Variants in GRN observed in about 807,000 individuals in gnomAD.
GRN encodes the protein progranulin.
GRN carries 30 observed loss-of-function variants against 66.7 expected under a neutral mutation model. The observed-to-expected ratio is 0.45, with a 90% confidence interval of 0.34 to 0.61. GRN has a LOEUF of 0.61. GRN is among the 20% of genes least tolerant of loss of function. The pLI, the probability that GRN is intolerant of heterozygous loss-of-function variation, is 0.01. For missense variants in GRN, 731 were observed against 803.5 expected (o/e 0.91, Z 1.09); for synonymous variants, 327 against 311.1 (o/e 1.05, Z -0.54).
intron 1 of GRN, among the ~76,000 whole-genome samples, 185 bp from the exon 2 acceptor site, chr17:44,348,973 C>T (rs551777985): frequency 2.0e-5 from 3 of 152,378 alleles, no homozygotes; most frequent in South Asian, 2.1e-4. Flanking sequence ...GTGTCACACA[C>T]GGGGCGCTGT....
chr17:44,352,719 G>C lies in GRN; in HGVS notation c.1703G>C (p.Arg568Thr). 7 of 1,611,282 alleles carry C rather than the reference G, an allele frequency of 4.3e-6. No individual in the cohort carries two copies. The highest frequency in any genetic ancestry group is 5.9e-6 in the Non-Finnish European group (7 of 1,180,002). ...CCPAGFRCAARGTKCLRREAP... is the reference protein window; with the variant it reads ...CCPAGFRCAATGTKCLRREAP... The stretch of plus-strand genomic sequence containing the variant: ...CCTGCTGGCTTCCGCTGCGCAGCCA[G>C]GGGTACCAAGTGTTTGCGCAGGGAG... Residue 568 changes from arginine to threonine, a missense_variant, in exon 13 of 13, where the codon AGG becomes ACG. Physicochemically the swap from Arg to Thr is moderately conservative, Grantham distance 71. Around this residue, in one of 3 missense-constraint regions of GRN, gnomAD observed 319 missense variants for 347.2 expected, o/e 0.92. Coordinates refer to ENST00000053867, the MANE Select transcript of GRN (RefSeq NM_002087.4).
Position 44,350,259 on chromosome 17 carries a change from T to C in GRN, c.381T>C (p.Pro127=). Residue 127 remains proline (P), a synonymous_variant, in exon 5 of 13, where the codon CCT becomes CCC. Coordinates refer to ENST00000053867, the MANE Select transcript of GRN (RefSeq NM_002087.4). ...GNNSVGAIQC[P]DSQFECPDFS... is the part of the protein sequence containing the mutation. Reference sequence around the variant, plus strand: ...ACTCCGTGGGTGCCATCCAGTGCCCTGATAGTCAGTTCGAATGCCCGGACT... The same window carrying C: ...ACTCCGTGGGTGCCATCCAGTGCCCCGATAGTCAGTTCGAATGCCCGGACT... The C allele has an allele frequency of 6.2e-7, 1 of 1,613,864 alleles. No individual in the cohort carries two copies. Among genetic ancestry groups the C allele is most frequent in the Non-Finnish European group, 8.5e-7 (1 of 1,179,810 alleles).
chr17:44,348,143 T>G (rs182888032), intron 1 of GRN, among the ~76,000 whole-genome samples: 4 of 152,306 alleles, frequency 2.6e-5, no homozygotes, highest in Admixed American at 2.0e-4. Flanking sequence ...TATAAAATAA[T>G]GGAGAGTCTT....
In GRN at chr17:44,349,159, C is replaced by G; in HGVS notation, c.-6C>G. 6.2e-7 allele frequency: 1 copy of G among 1,614,050 alleles called. No individual in the cohort carries two copies. The highest frequency in any genetic ancestry group is 8.5e-7 in the Non-Finnish European group (1 of 1,180,000). On this transcript the variant is annotated splice_region_variant and 5_prime_UTR_variant, in exon 2 of 13. Coordinates refer to ENST00000053867, the MANE Select transcript of GRN (RefSeq NM_002087.4). ...CAGACGTTCCTTGGTACTTTGCAGG[C>G]AGACCATGTGGACCCTGGTGAGCTG...
At chr17:44,347,329 C>T (rs991704091) in intron 1 of GRN, among the ~76,000 whole-genome samples, 1 of 152,002 alleles carries the variant, frequency 6.6e-6, no homozygotes, top group African/African-American at 2.4e-5. Context: ...CACTCTGTCA[C>T]CCAGGCTGGA....
At chr17:44,348,119 T>C (rs1228193353) in intron 1 of GRN, among the ~76,000 whole-genome samples, 1 of 152,124 alleles carries the variant, frequency 6.6e-6, no homozygotes, top group African/African-American at 2.4e-5. Context: ...GGATGGTTGT[T>C]GCAAAGAAAT....
rs1320513222 is a variant in GRN at position 44,352,090 on chromosome 17, G to A, written c.1255G>A (p.Gly419Arg). ...TGTAGCTGAGGGGCAGTGTCAGCGA[G>A]GAAGCGAGATCGTGGCTGGACTGGA... The part of the protein sequence containing the change: ...TCVAEGQCQR[G>R]SEIVAGLEKM... The change falls in exon 11 of 13, where the codon GGA becomes AGA. Residue 419 changes from glycine to arginine, a missense_variant. This residue lies in a region of GRN where 319 missense variants were observed against 347.2 expected (regional missense o/e 0.92). Coordinates refer to ENST00000053867, the MANE Select transcript of GRN (RefSeq NM_002087.4). 1.2e-6 allele frequency: 2 copies of A among 1,613,764 alleles called. No homozygotes were observed. The highest frequency in any genetic ancestry group is 1.7e-6 in the Non-Finnish European group (2 of 1,179,976).
chr17:44,353,078 G>A lies in GRN; in HGVS notation c.*280G>A, dbSNP rs116547342. On this transcript the variant is annotated 3_prime_UTR_variant, in exon 13 of 13. Coordinates refer to ENST00000053867, the MANE Select transcript of GRN (RefSeq NM_002087.4). The stretch of plus-strand genomic sequence containing the variant: ...GGTGTTTGTGTGTGTGCGCGTGTGC[G>A]TTTCAATAAAGTTTGTACACTTTCT... 1,895 of 566,004 alleles carry A rather than the reference G, an allele frequency of 3.3e-3. 26 individuals are homozygous for A. The highest frequency in any genetic ancestry group is 0.033 in the African/African-American group (1,736 of 53,312). The allele number at this position is 566,004 out of a possible 1,614,324, so 35.1% of individuals were successfully genotyped here.
At chr17:44,350,172 G>A in intron 4 of GRN, 56 bp from the exon 5 acceptor site, 1 of 1,207,202 alleles carries the variant, frequency 8.3e-7, no homozygotes, top group Non-Finnish European at 1.2e-6. Context: ...CTTGTGTGAT[G>A]GGGGAGTCAC....
chr17:44,345,356 C>T (rs1174939265), intron 1 of GRN, 22 bp downstream of exon 1: 1 of 124,136 alleles, frequency 8.1e-6, no homozygotes, highest in Non-Finnish European at 1.7e-5. Flanking sequence ...GCCGCGCAGA[C>T]CTCTCGCCTG....
chr17:44,351,171 A>G lies in GRN; in HGVS notation c.835+8A>G. On this transcript the variant is annotated splice_region_variant and intron_variant, in intron 8 of 12. Transcript: ENST00000053867. ...AGCTGCCTGCGCACACAGGTACCAGAGGCAGGGTGCAGATACAGGGGTGGG... is the reference window on the plus strand; with the variant it reads ...AGCTGCCTGCGCACACAGGTACCAGGGGCAGGGTGCAGATACAGGGGTGGG... 1 of 1,614,120 alleles carries G rather than the reference A, an allele frequency of 6.2e-7. No homozygotes were observed. The highest frequency in any genetic ancestry group is 1.1e-5 in the South Asian group (1 of 91,088).
Position 44,351,597 on chromosome 17 carries a change from G to A in GRN, c.981G>A (p.Thr327=), listed in dbSNP as rs145655086. 7.0e-5 allele frequency: 113 copies of A among 1,614,026 alleles called. No homozygotes were observed. In the African/African-American group the frequency reaches 1.1e-3, roughly 16 times the overall value. ...TACACTGCTGTCCCGCGGGGTTTAC[G>A]TGTGACACGCAGAAGGGTACCTGTG... The part of the protein sequence containing the change: ...DHIHCCPAGF[T]CDTQKGTCEQ... The change falls in exon 10 of 13, where the codon ACG becomes ACA. Residue 327 remains threonine, a synonymous_variant. Transcript: ENST00000053867.
chr17:44,349,133 C>T (rs752971963), intron 1 of GRN, 25 bp from the exon 2 acceptor site: 5 of 1,613,424 alleles, frequency 3.1e-6, no homozygotes, highest in Non-Finnish European at 3.4e-6. Flanking sequence ...TAAGCAGTTG[C>T]CAGACGTTCC....
At chr17:44,347,548 A>G (rs1373316185) in intron 1 of GRN, among the ~76,000 whole-genome samples, 2 of 151,748 alleles carry the variant, frequency 1.3e-5, no homozygotes, top group African/African-American at 4.8e-5. Context: ...GGGCCTCCCA[A>G]AGTGCTGGGA....
At chr17:44,350,615 C>T (rs752020409) in intron 6 of GRN, 38 bp downstream of exon 6, 26 of 1,612,098 alleles carry the variant, frequency 1.6e-5, no homozygotes, top group East Asian at 6.7e-5. Flanking sequence ...GGGGCTGGGG[C>T]GGGGCCTCAT....
chr17:44,348,540 G>A (rs1425202187), intron 1 of GRN, among the ~76,000 whole-genome samples: 1 of 152,216 alleles, frequency 6.6e-6, no homozygotes, highest in South Asian at 2.1e-4. Context: ...ACATTCATGG[G>A]CAGATGGTGA....
At chr17:44,350,135 G>A (rs925396974) in intron 4 of GRN, 93 bp from the exon 5 acceptor site, 1 of 897,588 alleles carries the variant, frequency 1.1e-6, no homozygotes, top group Non-Finnish European at 1.9e-6. Flanking sequence ...CAGTAGCTGG[G>A]CTTGCAGGCC....
chr17:44,352,039 C>T lies in GRN; in HGVS notation c.1204C>T (p.His402Tyr), dbSNP rs766346038. Residue 402 changes from histidine to tyrosine, a missense_variant, in exon 11 of 13, where the codon CAC (histidine) becomes TAC (tyrosine). Coordinates refer to ENST00000053867, the MANE Select transcript of GRN (RefSeq NM_002087.4). ...GGCTGTCTGCTGCTCGGACCACCAG[C>T]ACTGCTGCCCCCAGGGCTACACGTG... Reference protein sequence around the residue: ...PEAVCCSDHQHCCPQGYTCVA... With the variant: ...PEAVCCSDHQYCCPQGYTCVA... 2 of 1,613,540 alleles carry T rather than the reference C, an allele frequency of 1.2e-6. No homozygotes were observed.
In GRN at chr17:44,352,712, G is replaced by A. The variant is rs1291738875; in HGVS notation, c.1696G>A (p.Ala566Thr). 5.0e-6 allele frequency: 8 copies of A among 1,610,734 alleles called. No homozygotes were observed. In the South Asian group the frequency reaches 5.5e-5, roughly 11 times the overall value. Residue 566 changes from alanine to threonine, a missense_variant, in exon 13 of 13, where the codon GCA becomes ACA. By Grantham distance (58) the Ala-to-Thr change is moderately conservative. Coordinates refer to ENST00000053867, the MANE Select transcript of GRN (RefSeq NM_002087.4). ...RHCCPAGFRC[A>T]ARGTKCLRRE... ...CTGCTGTCCTGCTGGCTTCCGCTGC[G>A]CAGCCAGGGGTACCAAGTGTTTGCG...
Sources: gnomAD v4.1 joint callset for allele counts (sites outside exome capture counted in the v4.1 genomes callset) on GRCh38, gnomAD v4.1.1 for gene constraint, gnomAD v4.1.1 regional missense constraint, MANE v1.5 for transcripts, NCBI Gene and HGNC (gene_info 2026-07-23, HGNC 2026-07-21) for gene names.